The following DNMBP variants were observed in gnomAD, a reference collection of about 807,000 sequenced individuals.
DNMBP encodes the protein dynamin binding protein.
A neutral mutation model predicts 150.0 loss-of-function variants in DNMBP; 87 were observed. That is an observed-to-expected ratio of 0.58 (90% CI 0.49 to 0.69). DNMBP has a LOEUF of 0.69. DNMBP is among the 30% of genes least tolerant of loss of function. The pLI is 0.00. For missense variants in DNMBP, 1,774 were observed against 1,949.0 expected, an observed-to-expected ratio of 0.91 and a Z score of 1.69; for synonymous variants, 711 against 750.4, an observed-to-expected ratio of 0.95 and a Z score of 0.86.
At position 99,908,933 on chromosome 10, in the gene DNMBP, C is replaced by G. The variant is rs1279517782; in HGVS notation, c.2454+20G>C. ...AGGACCATATTCAAGGTCAAACTAA[C>G]TCTGTCTCCCAGTTCCCACCTGTGC... On this transcript the variant is annotated intron_variant, in intron 5 of 16. Transcript: ENST00000324109. The G allele has an allele frequency of 6.2e-7, 1 of 1,604,610 alleles. No individual in the cohort carries two copies. Among genetic ancestry groups the G allele is most frequent in the African/African-American group, 1.3e-5 (1 of 74,706 alleles).
At chr10:99,930,533 G>C in intron 4 of DNMBP, 1 of 702,950 alleles carries the variant, frequency 1.4e-6, no homozygotes, top group South Asian at 1.5e-5. Flanking sequence ...AGTCCATATA[G>C]CTTGGTTCAC....
Position 99,877,036 on chromosome 10 carries a change from T to C in DNMBP, c.*115A>G. The C allele has an allele frequency of 2.2e-6, 2 of 889,606 alleles. No homozygotes were observed. The highest frequency in any genetic ancestry group is 3.4e-6 in the Non-Finnish European group (2 of 581,984). 55.1% of individuals were successfully genotyped at this position (889,606 alleles called of 1,614,324 possible). ...GTGGTGTGCTCCACCATGCCATGGT[T>C]AAGCAACGCAGACAGGGCCTGTGTC... On this transcript the variant is annotated 3_prime_UTR_variant, in exon 17 of 17. Transcript: ENST00000324109.
At chr10:99,989,462 G>C (rs1446463983) in intron 1 of DNMBP, among the ~76,000 whole-genome samples, 1 of 152,216 alleles carries the variant, frequency 6.6e-6, no homozygotes, top group Non-Finnish European at 1.5e-5. Context: ...TGTAATCCCA[G>C]CACTTTGGGA....
intron 9 of DNMBP, 88 bp from the exon 10 acceptor site, chr10:99,896,485 T>C: frequency 7.6e-7 from 1 of 1,307,820 alleles, no homozygotes; most frequent in Non-Finnish European, 1.1e-6. Flanking sequence ...AAACGGGAGC[T>C]AGTCCTTGTC....
chr10:99,954,329 C>T (rs1306797898), intron 4 of DNMBP, among the ~76,000 whole-genome samples: 2 of 152,068 alleles, frequency 1.3e-5, no homozygotes, highest in Admixed American at 1.3e-4. Flanking sequence ...TGAGCCACCG[C>T]ACCCGGCAAG....
At chr10:99,921,386 A>C (rs969210301) in intron 4 of DNMBP, among the ~76,000 whole-genome samples, 22 of 152,294 alleles carry the variant, frequency 1.4e-4, no homozygotes, top group African/African-American at 5.1e-4. Flanking sequence ...ACATTCTGGG[A>C]CCCAAAGTAG....
At chr10:99,989,299 T>G (rs1215199194) in intron 1 of DNMBP, among the ~76,000 whole-genome samples, 4 of 152,220 alleles carry the variant, frequency 2.6e-5, no homozygotes, top group Non-Finnish European at 1.5e-5. Flanking sequence ...AGCACAGGCT[T>G]TCAGCCATTA....
intron 4 of DNMBP, among the ~76,000 whole-genome samples, chr10:99,937,630 C>T (rs138052386): frequency 6.6e-5 from 10 of 152,232 alleles, no homozygotes; most frequent in South Asian, 6.2e-4. Context: ...GGACCACTAC[C>T]GAGGCAAGCC....
intron 6 of DNMBP, among the ~76,000 whole-genome samples, chr10:99,906,256 T>C (rs1456519912): frequency 6.6e-6 from 1 of 152,196 alleles, no homozygotes; most frequent in Non-Finnish European, 1.5e-5. Context: ...GCTGCATGCA[T>C]GTCACCCACT....
At chr10:99,949,215 A>G (rs1421251386) in intron 4 of DNMBP, among the ~76,000 whole-genome samples, 5 of 151,992 alleles carry the variant, frequency 3.3e-5, no homozygotes, top group African/African-American at 1.2e-4. Context: ...ATTCAGTTAA[A>G]CTCAACTCCC....
intron 1 of DNMBP, among the ~76,000 whole-genome samples, chr10:100,000,926 A>T (rs1276197456): frequency 1.3e-5 from 2 of 149,910 alleles, no homozygotes; most frequent in African/African-American, 4.9e-5. Context: ...CAGTTTCAAC[A>T]CCAAAGGACA....
intron 4 of DNMBP, among the ~76,000 whole-genome samples, chr10:99,927,877 A>G (rs1404644331): frequency 6.6e-6 from 1 of 152,218 alleles, no homozygotes; most frequent in Non-Finnish European, 1.5e-5. Flanking sequence ...CAGAATAAAC[A>G]CACTTTGATT....
chr10:99,968,361 G>T (rs889651223), intron 3 of DNMBP, among the ~76,000 whole-genome samples: 1 of 151,882 alleles, frequency 6.6e-6, no homozygotes, highest in Non-Finnish European at 1.5e-5. Context: ...CCCACGCCCC[G>T]TATCAGTTTT....
chr10:99,911,552 C>T (rs1159552858), intron 4 of DNMBP, among the ~76,000 whole-genome samples: 2 of 151,860 alleles, frequency 1.3e-5, no homozygotes, highest in Non-Finnish European at 2.9e-5. Flanking sequence ...ATGCAATGTA[C>T]TCTTAGTTCA....
rs778561649 is a variant in DNMBP, at chr10:99,955,617, T to C, written c.1857A>G (p.Val619=). 8.1e-6 allele frequency: 13 copies of C among 1,614,236 alleles called. No homozygotes were observed. Among genetic ancestry groups the C allele is most frequent in the Non-Finnish European group, 1.1e-5 (13 of 1,180,030 alleles). ...RPPPPRPCTP[V]STSPHLLVDQ... is the part of the protein sequence containing the mutation. ...CAACCAGCAAATGGGGAGAAGTGGATACCGGAGTACAGGGACGAGGTGGCG... is the reference window on the plus strand; with the variant it reads ...CAACCAGCAAATGGGGAGAAGTGGACACCGGAGTACAGGGACGAGGTGGCG... Residue 619 remains valine (V), a synonymous_variant, in exon 4 of 17, where the codon GTA becomes GTG. Transcript: ENST00000324109.
rs768726918 is a variant in DNMBP at position 99,884,216 on chromosome 10, G to A, written c.3799-7C>T. ...ACTGTAGCATGTAACTTGGCTGAAA[G>A]GTAAGACGTTAACAAAAATCTCTCA... On this transcript the variant is annotated splice_polypyrimidine_tract_variant and splice_region_variant and intron_variant, in intron 14 of 16. Transcript: ENST00000324109. The A allele has an allele frequency of 1.4e-5, 22 of 1,607,890 alleles. No individual in the cohort carries two copies. The highest frequency in any genetic ancestry group is 1.8e-5 in the Non-Finnish European group (21 of 1,176,094).
intron 4 of DNMBP, among the ~76,000 whole-genome samples, chr10:99,935,941 T>C (rs1372590183): frequency 6.6e-6 from 1 of 152,196 alleles, no homozygotes; most frequent in African/African-American, 2.4e-5. Context: ...TGCTTGACTA[T>C]AAAATGACCC....
At position 99,956,769 on chromosome 10, in the gene DNMBP, T is replaced by C. The variant is rs745894499; in HGVS notation, c.705A>G (p.Ile235Met). Reference sequence around the variant, plus strand: ...GCTCCTCCTCATCCTCATCCGGCCCTATCTCTTCTTCTCCTACAGGGGTAT... The same window carrying C: ...GCTCCTCCTCATCCTCATCCGGCCCCATCTCTTCTTCTCCTACAGGGGTAT... ...EVDTPVGEEE[I>M]GPDEDEEEPG... is the part of the protein sequence containing the mutation. Residue 235 changes from isoleucine to methionine, a missense_variant, in exon 4 of 17, where the codon ATA becomes ATG. Transcript: ENST00000324109. 7 of 1,614,172 alleles carry C rather than the reference T, an allele frequency of 4.3e-6. No individual in the cohort carries two copies. The highest frequency in any genetic ancestry group is 3.3e-5 in the Admixed American group (2 of 60,020).
rs1564739384 is a variant in DNMBP at position 99,939,990 on chromosome 10, T to C, written c.2260+15224A>G. ...TAGCCCCCTGGCCACTAAACTGCCC[T>C]GGAAAAACCTCTGCATTTTTTAGAC... On this transcript the variant is annotated intron_variant, in intron 4 of 16. Transcript: ENST00000324109. Among the ~76,000 whole-genome samples, 4 of 152,178 alleles carry C rather than the reference T, an allele frequency of 2.6e-5. No homozygotes were observed. In the East Asian group the frequency reaches 5.8e-4, roughly 22 times the overall value.
Sources: gnomAD v4.1 joint callset for allele counts (sites outside exome capture counted in the v4.1 genomes callset) on GRCh38, gnomAD v4.1.1 for gene constraint, MANE v1.5 for transcripts, NCBI Gene and HGNC (gene_info 2026-07-23, HGNC 2026-07-21) for gene names.